FRY: variants seen among roughly 807,000 people sequenced by gnomAD.
The protein encoded by FRY is protein furry homolog.
Under a neutral mutation model 348.4 loss-of-function variants are expected in FRY, and 128 were observed. The observed-to-expected ratio is 0.37, with a 90% CI of 0.32 to 0.43. The LOEUF is 0.43. Among genes scored for constraint, FRY ranks in the 20% least tolerant of loss-of-function variants. FRY has a pLI of 1.00. For synonymous variants in FRY, 1,370 were observed against 1,374.7 expected (o/e 1.00, Z 0.08); for missense variants, 2,736 against 3,695.2 (o/e 0.74, Z 6.73).
At chr13:32,214,543 C>T (rs111872394) in intron 35 of FRY, among the ~76,000 whole-genome samples, 3,029 of 152,280 alleles carry the variant, frequency 0.02, 51 homozygotes, top group Non-Finnish European at 0.03. Flanking sequence ...ATTGGACACC[C>T]GCGTCTTACA....
Position 32,209,045 on chromosome 13 carries a change from A to G in FRY, c.4211A>G (p.Asn1404Ser), listed in dbSNP as rs780443668. ...DVTASHGLRG[N>S]GWGSPEATSL... ...ACTGCTTCTCACGGGCTGAGAGGAA[A>G]TGGCTGGGGCTCTCCAGAAGCCACG... The change falls in exon 32 of 61, where the codon AAT becomes AGT. Residue 1404 changes from asparagine to serine, a missense_variant. Asn to Ser is a conservative substitution (Grantham distance 46). Around this residue, in one of 9 missense-constraint regions of FRY, gnomAD observed 794 missense variants for 977.0 expected, o/e 0.81. Coordinates refer to ENST00000542859, the MANE Select transcript of FRY (RefSeq NM_023037.3). 13 of 1,614,130 alleles carry G rather than the reference A, an allele frequency of 8.1e-6. No individual in the cohort carries two copies. The highest frequency in any genetic ancestry group is 1.1e-5 in the Non-Finnish European group (13 of 1,180,010).
chr13:32,277,670 G>T (rs530459968), intron 57 of FRY, among the ~76,000 whole-genome samples: 5 of 152,308 alleles, frequency 3.3e-5, no homozygotes, highest in Admixed American at 2.6e-4. Flanking sequence ...TTATGGTTTG[G>T]GGTTTGTTTA....
intron 3 of FRY, among the ~76,000 whole-genome samples, chr13:32,103,686 T>C (rs1045989621): frequency 3.9e-5 from 6 of 152,148 alleles, no homozygotes; most frequent in African/African-American, 1.4e-4. Flanking sequence ...TAAATAGTGC[T>C]GGGCGCAGTG....
chr13:32,251,392 G>T (rs1217354886), intron 49 of FRY, among the ~76,000 whole-genome samples: 1 of 152,138 alleles, frequency 6.6e-6, no homozygotes, highest in Non-Finnish European at 1.5e-5. Context: ...GAGAAAAAGA[G>T]ACTCATGCTG....
chr13:32,273,730 A>G (rs1008767491), intron 55 of FRY, among the ~76,000 whole-genome samples: 2 of 152,192 alleles, frequency 1.3e-5, no homozygotes, highest in African/African-American at 2.4e-5. Flanking sequence ...TGATCTTGGG[A>G]AGCAGAAAAG....
chr13:32,112,451 G>T (rs1878033463), intron 3 of FRY, among the ~76,000 whole-genome samples: 2 of 152,224 alleles, frequency 1.3e-5, no homozygotes, highest in South Asian at 2.1e-4. Context: ...GCTATAAGAG[G>T]CAGAGTTGTA....
At chr13:32,129,027 G>A (rs774234987) in intron 7 of FRY, among the ~76,000 whole-genome samples, 15 of 152,048 alleles carry the variant, frequency 9.9e-5, no homozygotes, top group Non-Finnish European at 7.4e-5. Flanking sequence ...TCTCTCCTTG[G>A]CTTGTATGTG....
chr13:32,041,773 T>C (rs1296248093), intron 1 of FRY, among the ~76,000 whole-genome samples: 1 of 152,176 alleles, frequency 6.6e-6, no homozygotes, highest in Non-Finnish European at 1.5e-5. Flanking sequence ...ATCAGAGATG[T>C]TTTTGTGTCT....
At chr13:32,098,135 A>G (rs1357297929) in intron 2 of FRY, among the ~76,000 whole-genome samples, 7 of 152,158 alleles carry the variant, frequency 4.6e-5, no homozygotes, top group East Asian at 1.9e-4. Flanking sequence ...ACAAATTCCA[A>G]CTACTCTGTC....
rs11617081 is a variant in FRY, at chr13:32,278,448, C to T, written c.8386-17C>T. 0.26 allele frequency: 364,809 copies of T among 1,393,922 alleles called. 51,427 individuals are homozygous for T. The highest frequency in any genetic ancestry group is 0.3 in the Non-Finnish European group (289,535 of 979,750). 86.3% of individuals were successfully genotyped at this position (1,393,922 alleles called of 1,614,324 possible). The stretch of plus-strand genomic sequence containing the variant: ...CATTGCTGAATTTACCTATGTCTTT[C>T]CCTCTCTTTCTGACAGTGGCTTGCA... On this transcript the variant is annotated splice_polypyrimidine_tract_variant and intron_variant, in intron 57 of 60. Coordinates refer to ENST00000542859, the MANE Select transcript of FRY (RefSeq NM_023037.3).
At chr13:32,163,252 T>C (rs1210309163) in intron 17 of FRY, among the ~76,000 whole-genome samples, 2 of 152,208 alleles carry the variant, frequency 1.3e-5, no homozygotes, top group East Asian at 3.9e-4. Context: ...GCCTCATGAC[T>C]GTCTGGACAA....
chr13:32,172,091 A>G (rs1055331887), intron 18 of FRY, among the ~76,000 whole-genome samples: 5 of 150,908 alleles, frequency 3.3e-5, no homozygotes, highest in Non-Finnish European at 7.4e-5. Flanking sequence ...TAGATAGGAT[A>G]TGGATGTGGA....
At chr13:32,127,980 A>G (rs533591643) in intron 7 of FRY, among the ~76,000 whole-genome samples, 4 of 152,150 alleles carry the variant, frequency 2.6e-5, no homozygotes, top group Admixed American at 2.0e-4. Flanking sequence ...TATAACTCTA[A>G]CTATAATATT....
chr13:32,040,666 G>A (rs1030828723), intron 1 of FRY, among the ~76,000 whole-genome samples: 4 of 152,184 alleles, frequency 2.6e-5, no homozygotes, highest in African/African-American at 9.7e-5. Flanking sequence ...ACTTTTTGCA[G>A]TTAAATCACT....
chr13:32,188,797 T>C (rs1883170733), intron 28 of FRY, among the ~76,000 whole-genome samples: 1 of 152,144 alleles, frequency 6.6e-6, no homozygotes, highest in Admixed American at 6.5e-5. Flanking sequence ...TGAAGATCTA[T>C]AGAATCTTAA....
intron 11 of FRY, among the ~76,000 whole-genome samples, chr13:32,141,734 C>T (rs929644154): frequency 5.9e-5 from 9 of 152,170 alleles, no homozygotes; most frequent in Non-Finnish European, 1.3e-4. Flanking sequence ...ATTCACTTGT[C>T]CCCACTTGTT....
At chr13:32,265,391 G>A (rs879624025) in intron 53 of FRY, 59 bp from the exon 54 acceptor site, 7 of 1,519,966 alleles carry the variant, frequency 4.6e-6, no homozygotes, top group Non-Finnish European at 6.4e-6. Flanking sequence ...TAGTTGAACA[G>A]GTTGTCCTGT....
At chr13:32,290,330 T>C (rs1889274425) in intron 59 of FRY, among the ~76,000 whole-genome samples, 5 of 152,170 alleles carry the variant, frequency 3.3e-5, no homozygotes, top group Admixed American at 3.3e-4. Context: ...GTGGATACTA[T>C]AGAAGCAAAG....
intron 14 of FRY, among the ~76,000 whole-genome samples, chr13:32,154,090 T>A (rs1428719186): frequency 1.3e-5 from 2 of 152,160 alleles, no homozygotes; most frequent in East Asian, 3.9e-4. Flanking sequence ...CTTGACCACA[T>A]ATGTCATCCC....
Sources: gnomAD v4.1 joint callset for allele counts (sites outside exome capture counted in the v4.1 genomes callset) on GRCh38, gnomAD v4.1.1 for gene constraint, gnomAD v4.1.1 regional missense constraint, MANE v1.5 for transcripts, NCBI Gene and HGNC (gene_info 2026-07-23, HGNC 2026-07-21) for gene names.